Variants in PARPBP observed in about 807,000 individuals in gnomAD.
PARPBP encodes PARP1 binding protein, also known as PCNA-interacting partner.
A neutral mutation model predicts 50.0 loss-of-function variants in PARPBP; 52 were observed. The ratio of observed to expected loss-of-function variants is 1.04; its 90% CI spans 0.83 to 1.31. The LOEUF is 1.31. Among genes scored for constraint, PARPBP ranks in the 50% most tolerant of loss-of-function variants. PARPBP has a pLI of 0.00. For missense variants in PARPBP, 697 were observed against 672.0 expected, an observed-to-expected ratio of 1.04 and a Z score of -0.41; for synonymous variants, 244 against 232.1, an observed-to-expected ratio of 1.05 and a Z score of -0.47.
chr12:102,120,251 A>G lies in PARPBP; in HGVS notation c.-39A>G, dbSNP rs924178352. 6 of 260,406 alleles carry G rather than the reference A, an allele frequency of 2.3e-5. No individual in the cohort carries two copies. Among genetic ancestry groups the G allele is most frequent in the Non-Finnish European group, 3.2e-5 (4 of 124,036 alleles). 16.1% of individuals were successfully genotyped at this position (260,406 alleles called of 1,614,324 possible). A position where few individuals can be genotyped will look rare whatever the true frequency, so the allele number is the denominator to read the frequency against. On this transcript the variant is annotated 5_prime_UTR_variant, in exon 1 of 11. Coordinates refer to ENST00000327680, the MANE Select transcript of PARPBP (RefSeq NM_017915.5). ...CATCCCGTTGGGGATCCTTCCGCACACTGAAGAGTACGTCTTCGGGTCTAC... is the reference window on the plus strand; with the variant it reads ...CATCCCGTTGGGGATCCTTCCGCACGCTGAAGAGTACGTCTTCGGGTCTAC...
At chr12:102,181,074 C>T (rs1336326479) in intron 8 of PARPBP, among the ~76,000 whole-genome samples, 1 of 152,124 alleles carries the variant, frequency 6.6e-6, no homozygotes, top group Non-Finnish European at 1.5e-5. Flanking sequence ...TTCTCTGACC[C>T]TCCTATTTCT....
chr12:102,126,639 T>A (rs1387704078), intron 2 of PARPBP, among the ~76,000 whole-genome samples: 3 of 152,030 alleles, frequency 2.0e-5, no homozygotes, highest in Admixed American at 6.6e-5. Context: ...ATTAAAAAAT[T>A]AGCTGGGCGT....
intron 9 of PARPBP, among the ~76,000 whole-genome samples, chr12:102,182,974 G>C (rs980036357): frequency 6.6e-6 from 1 of 152,172 alleles, no homozygotes; most frequent in African/African-American, 2.4e-5. Flanking sequence ...TGAATCTCAA[G>C]ATATGTGATT....
In PARPBP at chr12:102,124,054, TA is replaced by T; in HGVS notation, c.153+14del. On this transcript the variant is annotated intron_variant, in intron 2 of 10. Transcript: ENST00000327680. ...GAACAACAAACAGGTTGGTAAACTA[TA>T]TTTGGGTTAACTTGTTTTTTTAAAG... is the stretch of plus-strand genomic sequence containing the variant. 1 of 1,526,922 alleles carries T rather than the reference TA, an allele frequency of 6.5e-7. No homozygotes were observed. The highest frequency in any genetic ancestry group is 8.8e-7 in the Non-Finnish European group (1 of 1,140,878). 94.6% of individuals were successfully genotyped at this position (1,526,922 alleles called of 1,614,324 possible). A position where few individuals can be genotyped will look rare whatever the true frequency, so the allele number is the denominator to read the frequency against.
intron 8 of PARPBP, among the ~76,000 whole-genome samples, chr12:102,181,769 A>G (rs1280908022): frequency 2.0e-5 from 3 of 152,184 alleles, no homozygotes; most frequent in East Asian, 1.9e-4. Flanking sequence ...ACCCCAGACT[A>G]GATAATTTGT....
chr12:102,141,080 G>T (rs1419028584), intron 2 of PARPBP, among the ~76,000 whole-genome samples: 1 of 152,084 alleles, frequency 6.6e-6, no homozygotes, highest in East Asian at 1.9e-4. Context: ...GTTGACAGTG[G>T]GGTGTTAAAG....
At chr12:102,121,327 A>C (rs1881035577) in intron 1 of PARPBP, among the ~76,000 whole-genome samples, 1 of 152,204 alleles carries the variant, frequency 6.6e-6, no homozygotes, top group Non-Finnish European at 1.5e-5. Flanking sequence ...GTGATGTGTA[A>C]AAATTACATG....
chr12:102,129,397 A>G (rs1345332773), intron 2 of PARPBP, among the ~76,000 whole-genome samples: 1 of 151,964 alleles, frequency 6.6e-6, no homozygotes, highest in Non-Finnish European at 1.5e-5. Flanking sequence ...CTCCCATTCC[A>G]TAGGTTGTCT....
Position 102,187,300 on chromosome 12 carries a change from G to T in PARPBP, c.1263+4673G>T, listed in dbSNP as rs535999094. On this transcript the variant is annotated intron_variant, in intron 9 of 10. Coordinates refer to ENST00000327680, the MANE Select transcript of PARPBP (RefSeq NM_017915.5). ...AGAACTAGTGAATTAGCAAAATTCT[G>T]AGGATTACCACTAATACTTCCAAAA... Among the ~76,000 whole-genome samples the T allele has an allele frequency of 3.3e-5, 5 of 152,262 alleles. No homozygotes were observed. In the East Asian group the frequency reaches 9.6e-4, roughly 29 times the overall value.
intron 2 of PARPBP, among the ~76,000 whole-genome samples, chr12:102,133,773 T>G (rs1253453965): frequency 6.6e-6 from 1 of 152,180 alleles, no homozygotes; most frequent in African/African-American, 2.4e-5. Context: ...TTAAGAAGAT[T>G]GAAATCATAC....
At chr12:102,126,967 G>A (rs987437173) in intron 2 of PARPBP, among the ~76,000 whole-genome samples, 7 of 152,086 alleles carry the variant, frequency 4.6e-5, no homozygotes, top group Admixed American at 4.6e-4. Flanking sequence ...TGGATCTTTA[G>A]ACTGAAGTTC....
At chr12:102,141,812 C>T (rs1884646900) in intron 2 of PARPBP, among the ~76,000 whole-genome samples, 1 of 152,132 alleles carries the variant, frequency 6.6e-6, no homozygotes, top group Admixed American at 6.5e-5. Context: ...TGAATATTGG[C>T]CCCCACTGTC....
At chr12:102,151,743 C>T (rs900639472) in intron 3 of PARPBP, 16 of 1,535,498 alleles carry the variant, frequency 1.0e-5, no homozygotes, top group African/African-American at 1.4e-5. Flanking sequence ...CTGGGATTCC[C>T]ATCACGGTCC....
chr12:102,195,480 A>G (rs1210123628), intron 10 of PARPBP, 33 bp downstream of exon 10: 20 of 1,507,920 alleles, frequency 1.3e-5, no homozygotes, highest in Non-Finnish European at 1.8e-5. Flanking sequence ...TTAAATAACA[A>G]TTTAATTCTA....
intron 8 of PARPBP, 30 bp downstream of exon 8, chr12:102,178,800 A>C: frequency 7.2e-7 from 1 of 1,393,758 alleles, no homozygotes; most frequent in Non-Finnish European, 9.8e-7. Context: ...TATGTGTTAT[A>C]AATGTTAACT....
At chr12:102,131,029 A>G (rs1480383298) in intron 2 of PARPBP, among the ~76,000 whole-genome samples, 1 of 152,192 alleles carries the variant, frequency 6.6e-6, no homozygotes, top group Middle Eastern at 3.2e-3. Flanking sequence ...CAGAATGGCT[A>G]TAATTAAAAA....
chr12:102,120,574 G>A (rs1043504190), intron 1 of PARPBP: 5 of 451,608 alleles, frequency 1.1e-5, no homozygotes, highest in South Asian at 7.8e-5. Context: ...CAGGAAACCT[G>A]GGTTCTAGTC....
chr12:102,124,378 A>G (rs1881632998), intron 2 of PARPBP, among the ~76,000 whole-genome samples: 1 of 152,196 alleles, frequency 6.6e-6, no homozygotes, highest in South Asian at 2.1e-4. Flanking sequence ...AAACTTTTAA[A>G]AACTACTGGC....
At chr12:102,155,940 T>C (rs1476603424) in intron 4 of PARPBP, among the ~76,000 whole-genome samples, 1 of 152,170 alleles carries the variant, frequency 6.6e-6, no homozygotes, top group African/African-American at 2.4e-5. Context: ...AGCTGAACAC[T>C]AGTCGCTGGG....
Sources: gnomAD v4.1 joint callset for allele counts (sites outside exome capture counted in the v4.1 genomes callset) on GRCh38, gnomAD v4.1.1 for gene constraint, MANE v1.5 for transcripts, NCBI Gene and HGNC (gene_info 2026-07-23, HGNC 2026-07-21) for gene names.